B4GALNT3: variants seen among roughly 807,000 people sequenced by gnomAD.
B4GALNT3 encodes the protein beta-1,4-N-acetylgalactosaminyltransferase 3.
Under a neutral mutation model 120.2 loss-of-function variants are expected in B4GALNT3, and 86 were observed. That is an observed-to-expected ratio of 0.72 (90% confidence interval 0.60 to 0.86). The LOEUF is 0.86. Among genes scored for constraint, B4GALNT3 ranks in the 40% least tolerant of loss-of-function variants. B4GALNT3 has a pLI of 0.00. For synonymous variants in B4GALNT3, 518 were observed against 510.4 expected, an observed-to-expected ratio of 1.01 and a Z score of -0.20; for missense variants, 1,167 against 1,298.9, an observed-to-expected ratio of 0.90 and a Z score of 1.56.
intron 1 of B4GALNT3, among the ~76,000 whole-genome samples, chr12:494,779 G>T (rs1342774779): frequency 6.6e-6 from 1 of 151,978 alleles, no homozygotes; most frequent in Non-Finnish European, 1.5e-5. Context: ...CAGTGATGGG[G>T]GGAGTAAACT....
rs911668924 is a variant in B4GALNT3 at position 544,767 on chromosome 12, G to C, written c.448-115G>C. The C allele has an allele frequency of 5.8e-6, 6 of 1,031,754 alleles. No homozygotes were observed. The African/African-American group carries it at 9.7e-5, about 17-fold the overall frequency. The allele number at this position is 1,031,754 out of a possible 1,614,324, so 63.9% of individuals were successfully genotyped here. A position where few individuals can be genotyped will look rare whatever the true frequency, so the allele number is the denominator to read the frequency against. On this transcript the variant is annotated intron_variant, in intron 4 of 19. Coordinates refer to ENST00000266383, the MANE Select transcript of B4GALNT3 (RefSeq NM_173593.4). ...ATTGAGCCTGCACTCCACTCACAAA[G>C]CCACAGCCCTGGTCCCTCCTGTCAT...
chr12:511,461 A>ACCTTCCACCTTCCACCTTCTTCCT (rs1946557926), intron 1 of B4GALNT3, among the ~76,000 whole-genome samples: 1 of 50,686 alleles, frequency 2.0e-5, no homozygotes, highest in Non-Finnish European at 3.4e-5. Context: ...ACCTTCTTCC[A>ACCTTCCACCTTCCACCTTCTTCCT]CCTTCCACCT....
intron 1 of B4GALNT3, among the ~76,000 whole-genome samples, chr12:500,865 C>CCTTTTTTTTT (rs2043817132): frequency 1.6e-5 from 1 of 61,830 alleles, no homozygotes; most frequent in African/African-American, 7.5e-5. Flanking sequence ...GGCTCCACTG[C>CCTTTTTTTTT]TTTTTTTTTT....
chr12:480,701 C>T (rs1946234320), intron 1 of B4GALNT3, among the ~76,000 whole-genome samples: 1 of 123,536 alleles, frequency 8.1e-6, no homozygotes, highest in Non-Finnish European at 1.8e-5. Context: ...GTCCTCACCC[C>T]TCCTCCTGTC....
chr12:497,839 T>A (rs1457253493), intron 1 of B4GALNT3, among the ~76,000 whole-genome samples: 1 of 152,192 alleles, frequency 6.6e-6, no homozygotes, highest in African/African-American at 2.4e-5. Context: ...CTGTTTTTGT[T>A]GCTCTCCTGT....
intron 2 of B4GALNT3, 136 bp downstream of exon 2, chr12:535,405 T>C (rs1946848237): frequency 1.5e-6 from 1 of 669,996 alleles, no homozygotes; most frequent in Non-Finnish European, 2.5e-6. Flanking sequence ...AGAGTCCTAG[T>C]CTGGCCTCAG....
At chr12:542,441 C>T (rs1283068913) in intron 3 of B4GALNT3, among the ~76,000 whole-genome samples, 1 of 152,208 alleles carries the variant, frequency 6.6e-6, no homozygotes, top group Non-Finnish European at 1.5e-5. Context: ...CTCAGAGCTC[C>T]TAAGGGCAGC....
At position 545,658 on chromosome 12, in the gene B4GALNT3, TGGG is replaced by T. The variant is rs1170305306; in HGVS notation, c.639+191_639+193del. 9.7e-4 allele frequency among the ~76,000 whole-genome samples: 121 copies of T among 124,324 alleles called. 1 individual carries two copies. The highest frequency in any genetic ancestry group is 1.7e-3 in the Non-Finnish European group (96 of 57,772). The allele number at this position is 124,324 out of a possible 152,430, so 81.6% of individuals were successfully genotyped here. On this transcript the variant is annotated intron_variant, in intron 6 of 19. Transcript: ENST00000266383. ...ACTGAGGATGGGGAGGAGTGAGGAG[TGGG>T]GAGGAGCGAGGTGTGGGGAGGAGCG...
chr12:488,633 C>A (rs1249526449), intron 1 of B4GALNT3, among the ~76,000 whole-genome samples: 1 of 151,870 alleles, frequency 6.6e-6, no homozygotes, highest in Non-Finnish European at 1.5e-5. Context: ...ATAGCAAGAC[C>A]CCATCTCTAC....
rs957571898 is a variant in B4GALNT3, at chr12:463,258, C to T, written c.169+2713C>T. On this transcript the variant is annotated intron_variant, in intron 1 of 19. Coordinates refer to ENST00000266383, the MANE Select transcript of B4GALNT3 (RefSeq NM_173593.4). ...ATGGCAGTCACAAACTCCAGGGTTA[C>T]CAGTAATGACAGGGGAGCATATTTC... is the stretch of plus-strand genomic sequence containing the variant. 1.5e-4 allele frequency among the ~76,000 whole-genome samples: 23 copies of T among 152,306 alleles called. No homozygotes were observed. The South Asian group carries it at 4.1e-3, about 27-fold the overall frequency.
intron 1 of B4GALNT3, among the ~76,000 whole-genome samples, chr12:512,268 T>A (rs1390703302): frequency 2.0e-5 from 1 of 49,574 alleles, no homozygotes; most frequent in Non-Finnish European, 3.6e-5. Context: ...TTCTTCCACC[T>A]TCTTCCACCT....
At chr12:555,933 A>T in intron 14 of B4GALNT3, among the ~76,000 whole-genome samples, 1 of 150,980 alleles carries the variant, frequency 6.6e-6, no homozygotes, top group East Asian at 1.9e-4. Context: ...ACAGGTGCCC[A>T]CCACCACACC....
Position 475,648 on chromosome 12 carries a change from C to G in B4GALNT3, c.169+15103C>G, listed in dbSNP as rs571190840. ...AACTCTGCTTATCCTTCTCTCTCAT[C>G]TCTTCCCTGAAGCCTTCCTCAATTA... On this transcript the variant is annotated intron_variant, in intron 1 of 19. Coordinates refer to ENST00000266383, the MANE Select transcript of B4GALNT3 (RefSeq NM_173593.4). Among the ~76,000 whole-genome samples, 4 of 152,266 alleles carry G rather than the reference C, an allele frequency of 2.6e-5. No individual in the cohort carries two copies. The East Asian group carries it at 7.7e-4, about 29-fold the overall frequency.
chr12:550,664 T>TC lies in B4GALNT3; in HGVS notation c.998-255dup, dbSNP rs1353441881. Among the ~76,000 whole-genome samples, 1 of 152,184 alleles carries TC rather than the reference T, an allele frequency of 6.6e-6. No individual in the cohort carries two copies. Among genetic ancestry groups the TC allele is most frequent in the African/African-American group, 2.4e-5 (1 of 41,440 alleles). ...AAGTTTCTAGACCTTATTGAGGCTA[T>TC]CCCTGCACAGTGACTCTAAGATCAA... On this transcript the variant is annotated intron_variant, in intron 10 of 19. Transcript: ENST00000266383. This position sits in a 1 kb window ranked among gnomAD's most constrained non-coding sequence, Gnocchi z 4.1.
intron 1 of B4GALNT3, among the ~76,000 whole-genome samples, chr12:473,073 A>G (rs182521579): frequency 2.6e-5 from 4 of 151,702 alleles, no homozygotes; most frequent in Non-Finnish European, 5.9e-5. Flanking sequence ...AGCTTAAGCA[A>G]TCCTCCTGCC....
intron 1 of B4GALNT3, among the ~76,000 whole-genome samples, chr12:474,684 G>T (rs1289230052): frequency 6.6e-6 from 1 of 152,028 alleles, no homozygotes; most frequent in East Asian, 1.9e-4. Flanking sequence ...CCCAGGCCAA[G>T]CATGGTGGCA....
intron 11 of B4GALNT3, 113 bp from the exon 12 acceptor site, chr12:551,950 G>A (rs969070793): frequency 1.6e-5 from 13 of 795,304 alleles, no homozygotes; most frequent in African/African-American, 8.5e-5. Flanking sequence ...TGCCAAGGGC[G>A]GGTCCCTAGC....
At chr12:526,372 G>A (rs76887376) in intron 1 of B4GALNT3, among the ~76,000 whole-genome samples, 9 of 152,122 alleles carry the variant, frequency 5.9e-5, no homozygotes, top group South Asian at 2.1e-4. Flanking sequence ...CACATCTTCC[G>A]TCTGCATGCA....
intron 1 of B4GALNT3, among the ~76,000 whole-genome samples, chr12:512,362 A>G (rs1178217124): frequency 3.3e-5 from 3 of 91,446 alleles, no homozygotes; most frequent in Admixed American, 1.2e-4. Context: ...TCCGCCTTCG[A>G]CCTTCTTCCA....
Sources: allele counts gnomAD v4.1 joint callset (sites outside exome capture counted in the v4.1 genomes callset), GRCh38; gene constraint gnomAD v4.1.1; non-coding constraint Gnocchi (gnomAD v3.1); transcripts MANE v1.5; gene names NCBI Gene and HGNC (gene_info 2026-07-23, HGNC 2026-07-21).